The following SNX29 variants were observed in gnomAD, a reference collection of about 807,000 sequenced individuals.
SNX29 encodes the protein sorting nexin 29.
In SNX29, 78 loss-of-function variants were observed where a neutral mutation model predicts 102.1. The observed-to-expected ratio is 0.76, with a 90% CI of 0.64 to 0.92. SNX29 has a LOEUF of 0.92. Among genes scored for constraint, SNX29 ranks in the 40% least tolerant of loss-of-function variants. The pLI is 0.00. For synonymous variants in SNX29, 580 were observed against 414.5 expected, an observed-to-expected ratio of 1.40 and a Z score of -4.85; for missense variants, 1,280 against 1,061.7, an observed-to-expected ratio of 1.21 and a Z score of -2.86.
chr16:12,274,421 T>C lies in SNX29; in HGVS notation c.1679-3512T>C, dbSNP rs546333192. On this transcript the variant is annotated intron_variant, in intron 14 of 20. Transcript: ENST00000566228. ...GGACATTCATTGAACTCTTCCATCC[T>C]GCCCCTCGTGTCTGTTGGCTCTGAA... Among the ~76,000 whole-genome samples the C allele has an allele frequency of 3.3e-5, 5 of 152,350 alleles. 1 individual carries two copies. The South Asian group carries it at 8.3e-4, about 25-fold the overall frequency.
At chr16:12,556,018 A>G (rs984718150) in intron 20 of SNX29, among the ~76,000 whole-genome samples, 23 of 152,198 alleles carry the variant, frequency 1.5e-4, no homozygotes, top group African/African-American at 4.3e-4. Flanking sequence ...CTGTGGACTC[A>G]TGCCATGCCA....
At chr16:12,209,570 A>G (rs1475606987) in intron 14 of SNX29, among the ~76,000 whole-genome samples, 1 of 152,078 alleles carries the variant, frequency 6.6e-6, no homozygotes, top group Non-Finnish European at 1.5e-5. Flanking sequence ...TTTGGACCAG[A>G]TCCTGGTGGG....
At chr16:12,068,350 G>A (rs1292697224) in intron 9 of SNX29, among the ~76,000 whole-genome samples, 1 of 151,894 alleles carries the variant, frequency 6.6e-6, no homozygotes, top group African/African-American at 2.4e-5. Context: ...TCGGCATGGT[G>A]GCACACACCT....
Position 12,042,924 on chromosome 16 carries a change from A to G in SNX29, c.275A>G (p.Glu92Gly). The G allele has an allele frequency of 6.2e-7, 1 of 1,612,988 alleles. No homozygotes were observed. Among genetic ancestry groups the G allele is most frequent in the African/African-American group, 1.3e-5 (1 of 75,042 alleles). ...TEPVFWYYVK[E>G]VLNKHELQRF... is the part of the protein sequence containing the mutation. ...CCCGTGTTCTGGTACTACGTGAAGGAGGTCCTCAACAAGCACGAGCTGCAG... is the reference window on the plus strand; with the variant it reads ...CCCGTGTTCTGGTACTACGTGAAGGGGGTCCTCAACAAGCACGAGCTGCAG... Residue 92 changes from glutamate (E) to glycine (G), a missense_variant, in exon 5 of 21, where the codon GAG becomes GGG. Glu to Gly is a moderately conservative substitution (Grantham distance 98). Transcript: ENST00000566228.
intron 3 of SNX29, among the ~76,000 whole-genome samples, chr16:12,010,593 T>C (rs2056615298): frequency 6.6e-6 from 1 of 152,168 alleles, no homozygotes; most frequent in Admixed American, 6.5e-5. Context: ...GCCATTGCAC[T>C]CTAGCCTGGG....
rs376983857 is a variant in SNX29, at chr16:12,555,251, G to A, written c.2319-13255G>A. ...GGAGAAATGGAGGTGAGAGATGAGG[G>A]TGCTCAAACCCAGGGTATGACCTCC... On this transcript the variant is annotated intron_variant, in intron 20 of 20. Coordinates refer to ENST00000566228, the MANE Select transcript of SNX29 (RefSeq NM_032167.5). 2.6e-5 allele frequency among the ~76,000 whole-genome samples: 4 copies of A among 151,674 alleles called. No individual in the cohort carries two copies. The East Asian group carries it at 6.1e-4, about 23-fold the overall frequency.
intron 15 of SNX29, among the ~76,000 whole-genome samples, chr16:12,346,926 A>T (rs193184723): frequency 2.5e-4 from 38 of 152,286 alleles, no homozygotes; most frequent in Admixed American, 2.5e-3. Context: ...ATGATGACCA[A>T]CATTGGGGCC....
At chr16:12,105,245 C>CTTCA (rs2053186851) in intron 11 of SNX29, among the ~76,000 whole-genome samples, 1 of 134,384 alleles carries the variant, frequency 7.4e-6, no homozygotes, top group African/African-American at 2.7e-5. Flanking sequence ...TCCTTCCTTC[C>CTTCA]TTCATTGTCT....
At chr16:12,557,597 A>G (rs912224064) in intron 20 of SNX29, 7 of 152,074 alleles carry the variant, frequency 4.6e-5, no homozygotes, top group African/African-American at 7.2e-5. Context: ...CCTGACCTCA[A>G]ATGACCCATT....
At chr16:12,493,935 C>T (rs536355598) in intron 19 of SNX29, among the ~76,000 whole-genome samples, 12 of 152,218 alleles carry the variant, frequency 7.9e-5, no homozygotes, top group Non-Finnish European at 1.2e-4. Flanking sequence ...ACCGATAAGA[C>T]TGATGATCTG....
intron 15 of SNX29, among the ~76,000 whole-genome samples, chr16:12,355,860 AAAAAAAAAAAAAAAAAG>A (rs2082117909): frequency 1.3e-5 from 2 of 150,232 alleles, no homozygotes; most frequent in Admixed American, 6.6e-5. Context: ...AAAAAAAAAA[AAAAAAAAAAAAAAAAAG>A]AGAGAGGAAA....
In SNX29 at chr16:12,203,940, C is replaced by G. The variant is rs772387170; in HGVS notation, c.1678+4257C>G. 3.3e-5 allele frequency among the ~76,000 whole-genome samples: 5 copies of G among 152,180 alleles called. No homozygotes were observed. The East Asian group carries it at 9.6e-4, about 29-fold the overall frequency. Reference sequence around the variant, plus strand: ...CTCCAGTTTTCACTTGACCAGCGTCCTCCCTCACTGTCAGTCCTGTGATGT... The same window carrying G: ...CTCCAGTTTTCACTTGACCAGCGTCGTCCCTCACTGTCAGTCCTGTGATGT... On this transcript the variant is annotated intron_variant, in intron 14 of 20. Coordinates refer to ENST00000566228, the MANE Select transcript of SNX29 (RefSeq NM_032167.5).
At chr16:12,071,173 A>G (rs2151307705) in intron 10 of SNX29, among the ~76,000 whole-genome samples, 1 of 151,318 alleles carries the variant, frequency 6.6e-6, no homozygotes, top group Admixed American at 6.6e-5. Flanking sequence ...CTTTAGTTTA[A>G]TTAGATCCCA....
chr16:12,488,856 T>G (rs907455531), intron 19 of SNX29, among the ~76,000 whole-genome samples: 1 of 152,220 alleles, frequency 6.6e-6, no homozygotes, highest in Non-Finnish European at 1.5e-5. Flanking sequence ...ATTGGCCAGC[T>G]TGCCCCACTT....
chr16:12,564,430 C>T (rs1021311112), intron 20 of SNX29, among the ~76,000 whole-genome samples: 1 of 152,180 alleles, frequency 6.6e-6, no homozygotes, highest in Non-Finnish European at 1.5e-5. Context: ...CTATTATCCT[C>T]ATTTCACAGA....
chr16:12,190,813 G>A (rs1377059361), intron 13 of SNX29, among the ~76,000 whole-genome samples: 8 of 152,112 alleles, frequency 5.3e-5, no homozygotes. Context: ...TTGGGTAGCG[G>A]GGCAGCAGCC....
intron 19 of SNX29, among the ~76,000 whole-genome samples, chr16:12,485,308 G>A (rs558938785): frequency 6.6e-6 from 1 of 152,268 alleles, no homozygotes; most frequent in Non-Finnish European, 1.5e-5. Flanking sequence ...CGTTTTTGAT[G>A]ATGTTACTAA....
intron 18 of SNX29, among the ~76,000 whole-genome samples, chr16:12,405,453 G>A (rs2084122150): frequency 6.6e-6 from 1 of 152,180 alleles, no homozygotes; most frequent in Admixed American, 6.5e-5. Context: ...CCAGCCTCAG[G>A]CCTGGCCGCT....
intron 14 of SNX29, among the ~76,000 whole-genome samples, chr16:12,248,709 C>T (rs1189128784): frequency 6.6e-6 from 1 of 151,962 alleles, no homozygotes; most frequent in Non-Finnish European, 1.5e-5. Context: ...GCCACCGCAC[C>T]CAGCCAGGTT....
Sources: gnomAD v4.1 joint callset for allele counts (sites outside exome capture counted in the v4.1 genomes callset) on GRCh38, gnomAD v4.1.1 for gene constraint, MANE v1.5 for transcripts, NCBI Gene and HGNC (gene_info 2026-07-23, HGNC 2026-07-21) for gene names.